Variants in SMYD3 observed in about 807,000 individuals in gnomAD.
SMYD3 encodes the protein SET and MYND domain containing 3.
In SMYD3, 36 loss-of-function variants were observed where a neutral mutation model predicts 57.7. The ratio of observed to expected loss-of-function variants is 0.62; its 90% confidence interval spans 0.48 to 0.82. The LOEUF is 0.82. Among genes scored for constraint, SMYD3 ranks in the 40% least tolerant of loss-of-function variants. The probability of loss-of-function intolerance (pLI) is 0.00; values close to 1 mark genes in which losing one functional copy is unlikely to be tolerated. For synonymous variants in SMYD3, 211 were observed against 195.0 expected, an observed-to-expected ratio of 1.08 and a Z score of -0.68; for missense variants, 515 against 538.8, an observed-to-expected ratio of 0.96 and a Z score of 0.44.
At chr1:245,942,997 G>A (rs1422630986) in intron 5 of SMYD3, among the ~76,000 whole-genome samples, 6 of 151,856 alleles carry the variant, frequency 4.0e-5, no homozygotes, top group East Asian at 1.9e-4. Context: ...GTTAAGAGGG[G>A]AATTTATGGT....
At chr1:245,891,092 G>A (rs2053358196) in intron 8 of SMYD3, among the ~76,000 whole-genome samples, 2 of 152,312 alleles carry the variant, frequency 1.3e-5, no homozygotes, top group South Asian at 4.1e-4. Flanking sequence ...GCAAGGGAGG[G>A]AACGGGGGAT....
chr1:246,295,677 T>A (rs2064780046), intron 5 of SMYD3, among the ~76,000 whole-genome samples: 1 of 152,096 alleles, frequency 6.6e-6, no homozygotes, highest in South Asian at 2.1e-4. Flanking sequence ...TTTTAGGCAA[T>A]ATGACAGGAT....
At chr1:245,833,232 G>C (rs1020925624) in intron 10 of SMYD3, among the ~76,000 whole-genome samples, 1 of 152,102 alleles carries the variant, frequency 6.6e-6, no homozygotes, top group African/African-American at 2.4e-5. Context: ...AGGAACATTT[G>C]TCAAAACTAA....
chr1:245,834,234 C>T (rs2049993033), intron 10 of SMYD3, among the ~76,000 whole-genome samples: 1 of 151,388 alleles, frequency 6.6e-6, no homozygotes, highest in African/African-American at 2.5e-5. Context: ...AATTCTGATG[C>T]ATTTAAATGC....
chr1:246,145,915 T>G (rs1026016923), intron 5 of SMYD3, among the ~76,000 whole-genome samples: 4 of 152,028 alleles, frequency 2.6e-5, no homozygotes, highest in Non-Finnish European at 5.9e-5. Context: ...TATTAAGGAG[T>G]AGAGGAAGGA....
At chr1:245,963,832 A>AAAAC (rs1050608988) in intron 5 of SMYD3, among the ~76,000 whole-genome samples, 2 of 152,168 alleles carry the variant, frequency 1.3e-5, no homozygotes, top group East Asian at 1.9e-4. Context: ...GTCCCACAAG[A>AAAAC]AAACAAACAA....
At chr1:245,782,200 A>G (rs1262275608) in intron 10 of SMYD3, among the ~76,000 whole-genome samples, 2 of 152,140 alleles carry the variant, frequency 1.3e-5, no homozygotes, top group Non-Finnish European at 2.9e-5. Context: ...ATCCCTACTT[A>G]GAGGTCAAAT....
At chr1:246,020,367 T>A (rs144578206) in intron 5 of SMYD3, among the ~76,000 whole-genome samples, 1 of 152,232 alleles carries the variant, frequency 6.6e-6, no homozygotes, top group Admixed American at 6.5e-5. Flanking sequence ...GATTTCCTAA[T>A]GAGCTATGGG....
chr1:246,088,413 T>C (rs4567253), intron 5 of SMYD3, among the ~76,000 whole-genome samples: 24,084 of 148,296 alleles, frequency 0.16, 2,464 homozygotes, highest in East Asian at 0.39. Flanking sequence ...ATCGAGACCA[T>C]CCTGGCTAAC....
chr1:246,475,096 C>T (rs902144701), intron 1 of SMYD3, among the ~76,000 whole-genome samples: 2 of 152,120 alleles, frequency 1.3e-5, no homozygotes, highest in East Asian at 3.9e-4. Context: ...GTAGGTGGAT[C>T]ACCTGTGGCC....
At chr1:245,948,224 C>A (rs111691622) in intron 5 of SMYD3, among the ~76,000 whole-genome samples, 1 of 152,154 alleles carries the variant, frequency 6.6e-6, no homozygotes, top group African/African-American at 2.4e-5. Flanking sequence ...AAAGAAGAAT[C>A]GAAACAGCAG....
At chr1:246,393,008 G>A (rs1162098567) in intron 1 of SMYD3, among the ~76,000 whole-genome samples, 1 of 152,016 alleles carries the variant, frequency 6.6e-6, no homozygotes, top group Non-Finnish European at 1.5e-5. Context: ...AAAATGAGAA[G>A]AAAGATCCCT....
At chr1:245,991,795 A>T (rs1259391440) in intron 5 of SMYD3, among the ~76,000 whole-genome samples, 1 of 149,526 alleles carries the variant, frequency 6.7e-6, no homozygotes, top group Admixed American at 6.7e-5. Context: ...TATTGGCCAC[A>T]CACACCAACT....
intron 5 of SMYD3, among the ~76,000 whole-genome samples, chr1:246,154,150 G>A (rs574008298): frequency 3.3e-5 from 5 of 152,168 alleles, no homozygotes; most frequent in African/African-American, 4.8e-5. Context: ...GGTATTGCAC[G>A]CAGCCTACAT....
chr1:246,096,732 G>A (rs1420422713), intron 5 of SMYD3, among the ~76,000 whole-genome samples: 2 of 152,128 alleles, frequency 1.3e-5, no homozygotes, highest in Non-Finnish European at 1.5e-5. Flanking sequence ...AAGGATTCAC[G>A]GTTCTTGCAA....
chr1:246,163,912 T>A (rs1331861971), intron 5 of SMYD3, among the ~76,000 whole-genome samples: 1 of 152,060 alleles, frequency 6.6e-6, no homozygotes, highest in Non-Finnish European at 1.5e-5. Flanking sequence ...CAGAGGAAAG[T>A]CAGAATCTCC....
chr1:245,774,956 G>GC (rs1222132255), intron 10 of SMYD3, among the ~76,000 whole-genome samples: 2 of 152,268 alleles, frequency 1.3e-5, no homozygotes, highest in East Asian at 3.9e-4. Context: ...GCCAGCCTCG[G>GC]CCTCCCGGAG....
At chr1:246,036,348 A>C (rs2059770850) in intron 5 of SMYD3, among the ~76,000 whole-genome samples, 1 of 152,202 alleles carries the variant, frequency 6.6e-6, no homozygotes, top group Admixed American at 6.5e-5. Context: ...TTCAAAAGAC[A>C]CAACAGGATG....
intron 5 of SMYD3, among the ~76,000 whole-genome samples, chr1:246,200,778 C>T (rs749473999): frequency 5.3e-5 from 8 of 152,166 alleles, no homozygotes; most frequent in Admixed American, 1.3e-4. Flanking sequence ...AACCTTTTGA[C>T]GTGGGTATTA....
Sources: gnomAD v4.1 joint callset for allele counts (sites outside exome capture counted in the v4.1 genomes callset) on GRCh38, gnomAD v4.1.1 for gene constraint, MANE v1.5 for transcripts, NCBI Gene and HGNC (gene_info 2026-07-23, HGNC 2026-07-21) for gene names.